RPTOR: variants seen among roughly 807,000 people sequenced by gnomAD.
RPTOR encodes the protein regulatory associated protein of MTOR complex 1, also known as regulatory-associated protein of mTOR.
A neutral mutation model predicts 169.9 loss-of-function variants in RPTOR; 21 were observed. That is an observed-to-expected ratio of 0.12 (90% CI 0.09 to 0.18). The LOEUF (loss-of-function observed/expected upper bound fraction) is 0.18. RPTOR is among the 10% of genes least tolerant of loss of function. The pLI, the probability that RPTOR is intolerant of heterozygous loss-of-function variation, is 1.00. For synonymous variants in RPTOR, 732 were observed against 753.2 expected (o/e 0.97, Z 0.46); for missense variants, 1,133 against 1,855.9 (o/e 0.61, Z 7.16).
chr17:80,641,194 G>A (rs2065551388), intron 2 of RPTOR, among the ~76,000 whole-genome samples: 1 of 152,212 alleles, frequency 6.6e-6, no homozygotes, highest in Non-Finnish European at 1.5e-5. Context: ...TTGTTCCTGA[G>A]AGAAATGAAG....
chr17:80,675,230 C>A (rs1484524642), intron 3 of RPTOR, among the ~76,000 whole-genome samples: 2 of 152,114 alleles, frequency 1.3e-5, no homozygotes, highest in Non-Finnish European at 2.9e-5. Context: ...GGCTGTTCGT[C>A]ATGGTGCCTG....
intron 3 of RPTOR, among the ~76,000 whole-genome samples, chr17:80,675,800 C>A (rs58023368): frequency 0.016 from 2,403 of 152,342 alleles, 67 homozygotes; most frequent in African/African-American, 0.055. Context: ...CTGCCCCCCA[C>A]CTCCAAGCAT....
At chr17:80,699,436 G>A (rs141894160) in intron 3 of RPTOR, among the ~76,000 whole-genome samples, 1 of 149,840 alleles carries the variant, frequency 6.7e-6, no homozygotes, top group Non-Finnish European at 1.5e-5. Context: ...CCCTGGTGCA[G>A]TGATGGGGAG....
rs555956891 is a variant in RPTOR at position 80,902,699 on chromosome 17, C to T, written c.2402-6112C>T. ...GTCTGTGGCCTGTGTCCACATGTCCCGGGACCCAGCCTGAGGTGCCCTCCT... is the reference window on the plus strand; with the variant it reads ...GTCTGTGGCCTGTGTCCACATGTCCTGGGACCCAGCCTGAGGTGCCCTCCT... On this transcript the variant is annotated intron_variant, in intron 20 of 33. Transcript: ENST00000306801. 6.6e-5 allele frequency among the ~76,000 whole-genome samples: 10 copies of T among 152,316 alleles called. No individual in the cohort carries two copies. In the East Asian group the frequency reaches 9.7e-4, roughly 15 times the overall value.
At chr17:80,879,264 GC>G (rs1319786641) in intron 13 of RPTOR, among the ~76,000 whole-genome samples, 1 of 151,710 alleles carries the variant, frequency 6.6e-6, no homozygotes, top group East Asian at 2.0e-4. Flanking sequence ...CTCCAACCCA[GC>G]CTGTCTGACC....
chr17:80,783,294 T>C (rs1196805921), intron 6 of RPTOR, among the ~76,000 whole-genome samples: 2 of 152,224 alleles, frequency 1.3e-5, no homozygotes, highest in East Asian at 3.9e-4. Context: ...CCATCCCTTT[T>C]ACTTTTTATT....
chr17:80,914,974 G>T (rs2068655570), intron 21 of RPTOR, among the ~76,000 whole-genome samples: 1 of 152,226 alleles, frequency 6.6e-6, no homozygotes, highest in South Asian at 2.1e-4. Flanking sequence ...GAATCAGTCA[G>T]CACATACTTC....
At chr17:80,875,198 A>G (rs556314840) in intron 13 of RPTOR, among the ~76,000 whole-genome samples, 1 of 152,336 alleles carries the variant, frequency 6.6e-6, no homozygotes, top group Non-Finnish European at 1.5e-5. Context: ...CAGAATATTC[A>G]GAGGAAGAAA....
rs114113114 is a variant in RPTOR at position 80,873,705 on chromosome 17, G to T, written c.1510-6710G>T. On this transcript the variant is annotated intron_variant, in intron 13 of 33. Coordinates refer to ENST00000306801, the MANE Select transcript of RPTOR (RefSeq NM_020761.3). Reference sequence around the variant, plus strand: ...TGTGCCCCAAAGTCTGAGGAGCTGAGGAGAAAGGGGAAGATGAGTTTCTTT... The same window carrying T: ...TGTGCCCCAAAGTCTGAGGAGCTGATGAGAAAGGGGAAGATGAGTTTCTTT... Among the ~76,000 whole-genome samples, 1,386 of 152,326 alleles carry T rather than the reference G, an allele frequency of 9.1e-3. 19 individuals carry two copies. Among genetic ancestry groups the T allele is most frequent in the African/African-American group, 0.032 (1,317 of 41,574 alleles).
chr17:80,785,659 G>A (rs1319390101), intron 6 of RPTOR, among the ~76,000 whole-genome samples: 2 of 152,126 alleles, frequency 1.3e-5, no homozygotes, highest in Non-Finnish European at 2.9e-5. Flanking sequence ...CTGGAGGAAT[G>A]TTTTGTGGCC....
intron 3 of RPTOR, among the ~76,000 whole-genome samples, chr17:80,661,496 G>C (rs775052398): frequency 1.3e-5 from 2 of 152,138 alleles, no homozygotes; most frequent in Non-Finnish European, 2.9e-5. Context: ...TTGAGCCGTT[G>C]ATGGGGGTGA....
intron 1 of RPTOR, among the ~76,000 whole-genome samples, chr17:80,550,163 G>GCCCT (rs1198800573): frequency 6.6e-6 from 1 of 152,136 alleles, no homozygotes; most frequent in Non-Finnish European, 1.5e-5. Context: ...TTCCAACTGT[G>GCCCT]CCCTGTTCCA....
intron 3 of RPTOR, among the ~76,000 whole-genome samples, chr17:80,680,246 C>A (rs2065888213): frequency 6.6e-6 from 1 of 152,214 alleles, no homozygotes; most frequent in African/African-American, 2.4e-5. Context: ...AGTCTAGAAC[C>A]CCCTTTCTTT....
chr17:80,715,841 C>T (rs905204368), intron 4 of RPTOR, among the ~76,000 whole-genome samples: 1 of 152,102 alleles, frequency 6.6e-6, no homozygotes, highest in Admixed American at 6.5e-5. Context: ...TCTTGAGTTA[C>T]TTCACTTAAA....
chr17:80,576,668 A>G (rs4889863), intron 1 of RPTOR, among the ~76,000 whole-genome samples: 36,047 of 152,154 alleles, frequency 0.24, 5,289 homozygotes, highest in East Asian at 0.42. Context: ...CTGATGCCAC[A>G]TTCACTTCGT....
chr17:80,606,351 C>T (rs976377397), intron 1 of RPTOR, among the ~76,000 whole-genome samples: 5 of 149,238 alleles, frequency 3.4e-5, no homozygotes, highest in African/African-American at 9.9e-5. Context: ...TCTGAGACTC[C>T]AGGAGTGGTC....
intron 7 of RPTOR, among the ~76,000 whole-genome samples, chr17:80,792,506 C>T (rs1206497757): frequency 1.3e-5 from 2 of 152,290 alleles, no homozygotes; most frequent in East Asian, 1.9e-4. Context: ...GGAAGCGACA[C>T]TGGTCCTGAT....
At position 80,663,621 on chromosome 17, in the gene RPTOR, T is replaced by C. The variant is rs371777496; in HGVS notation, c.348+19811T>C. 4.6e-5 allele frequency among the ~76,000 whole-genome samples: 7 copies of C among 152,330 alleles called. No individual in the cohort carries two copies. The East Asian group carries it at 9.6e-4, about 21-fold the overall frequency. On this transcript the variant is annotated intron_variant, in intron 3 of 33. Transcript: ENST00000306801. Reference sequence around the variant, plus strand: ...CCTGTGCTTATGTTTGTGCTTATTATGGAGTGTGCACGTGGATCTATTTAC... The same window carrying C: ...CCTGTGCTTATGTTTGTGCTTATTACGGAGTGTGCACGTGGATCTATTTAC...
In RPTOR at chr17:80,544,870, TGATGA is replaced by T. The variant is rs2084253658; in HGVS notation, c.-753_-749del. 1.3e-5 allele frequency: 3 copies of T among 222,532 alleles called. No homozygotes were observed. Among genetic ancestry groups the T allele is most frequent in the African/African-American group, 2.2e-5 (1 of 44,788 alleles). The allele number at this position is 222,532 out of a possible 1,614,324, so 13.8% of individuals were successfully genotyped here. A position where few individuals can be genotyped will look rare whatever the true frequency, so the allele number is the denominator to read the frequency against. ...CAATATGGCGTCCTCCTTGATGGGCTGATGAGATGAGTTTCACTGTAGCTCCAAAC... is the reference window on the plus strand; with the variant it reads ...CAATATGGCGTCCTCCTTGATGGGCTGATGAGTTTCACTGTAGCTCCAAAC... On this transcript the variant is annotated 5_prime_UTR_variant, in exon 1 of 34. It removes an upstream start codon present in the reference 5' UTR. Transcript: ENST00000306801.
Sources: allele counts gnomAD v4.1 joint callset (sites outside exome capture counted in the v4.1 genomes callset), GRCh38; gene constraint gnomAD v4.1.1; transcripts MANE v1.5; gene names NCBI Gene and HGNC (gene_info 2026-07-23, HGNC 2026-07-21).